Variants in PLEKHG5 observed in about 807,000 individuals in gnomAD.
The protein encoded by PLEKHG5 is pleckstrin homology domain-containing family G member 5.
PLEKHG5 carries 52 observed loss-of-function variants against 103.8 expected under a neutral mutation model. The ratio of observed to expected loss-of-function variants is 0.50; its 90% CI spans 0.40 to 0.63. The LOEUF (loss-of-function observed/expected upper bound fraction) is 0.63, where lower values mean the gene tolerates loss of function less well. PLEKHG5 is among the 30% of genes least tolerant of loss of function. PLEKHG5 has a pLI of 0.00. For missense variants in PLEKHG5, 1,205 were observed against 1,347.6 expected (o/e 0.89, Z 1.66); for synonymous variants, 592 against 575.5 (o/e 1.03, Z -0.41).
chr1:6,472,452 G>T, intron 10 of PLEKHG5, 75 bp downstream of exon 10: 1 of 1,063,162 alleles, frequency 9.4e-7, no homozygotes, highest in Non-Finnish European at 1.4e-6. Context: ...CTTCTGCAAA[G>T]GCTCAGACTC....
At chr1:6,495,351 C>T (rs1000480635), upstream of PLEKHG5, among the ~76,000 whole-genome samples, 1 of 152,196 alleles carries the variant, frequency 6.6e-6, no homozygotes, top group Admixed American at 6.5e-5. Flanking sequence ...TAGCAGTTCT[C>T]CCTGTTCCCT....
At chr1:6,502,421 A>T (rs887135145) in intron 1 of PLEKHG5, among the ~76,000 whole-genome samples, 10 of 152,170 alleles carry the variant, frequency 6.6e-5, no homozygotes, top group Non-Finnish European at 1.3e-4. Context: ...GGGACCGGAG[A>T]GCTGAACACA....
In PLEKHG5 at chr1:6,490,981, G is replaced by T. The variant is rs1000013961; in HGVS notation, c.-88+656C>A. Reference sequence around the variant, plus strand: ...GCAGAGAGACCCGCAGGCCTAGCCCGCCCCGGAATCGCCCTGAGCCAGGTT... The same window carrying T: ...GCAGAGAGACCCGCAGGCCTAGCCCTCCCCGGAATCGCCCTGAGCCAGGTT... On this transcript the variant is annotated intron_variant, in intron 1 of 20. Transcript: ENST00000377728. The surrounding 1 kb of genome is among the most constrained non-coding windows in gnomAD (Gnocchi z 8.0). 2.0e-5 allele frequency among the ~76,000 whole-genome samples: 3 copies of T among 152,134 alleles called. No homozygotes were observed. Among genetic ancestry groups the T allele is most frequent in the Non-Finnish European group, 4.4e-5 (3 of 68,010 alleles).
chr1:6,470,662 G>C lies in PLEKHG5; in HGVS notation c.1543-19C>G. 6 of 1,559,658 alleles carry C rather than the reference G, an allele frequency of 3.8e-6. No individual in the cohort carries two copies. Among genetic ancestry groups the C allele is most frequent in the Non-Finnish European group, 5.2e-6 (6 of 1,157,448 alleles). On this transcript the variant is annotated intron_variant, in intron 14 of 20. Transcript: ENST00000377728. ...AGCCGATCTAGGGGCAGGTGAGGGA[G>C]CTTCAGGTCCAGGGTCATGACGGAG...
Position 6,473,028 on chromosome 1 carries a change from C to G in PLEKHG5, c.942G>C (p.Leu314=). The G allele has an allele frequency of 4.3e-6, 7 of 1,614,122 alleles. No individual in the cohort carries two copies. The highest frequency in any genetic ancestry group is 5.9e-6 in the Non-Finnish European group (7 of 1,180,026). ...GCTCCCGCCAGCTGTCCTCCAGCCT[C>G]AGGCAGGCATTGTCCTCATCCTCGT... ...DEDEDEDNAC[L]RLEDSWRELI... Residue 314 remains leucine, a synonymous_variant, in exon 9 of 21, where the codon CTG becomes CTC. Coordinates refer to ENST00000377728, the MANE Select transcript of PLEKHG5 (RefSeq NM_020631.6).
rs1638279797 is a variant in PLEKHG5 at position 6,505,274 on chromosome 1, A to T, written c.-164-8705T>A. On this transcript the variant is annotated intron_variant, in intron 1 of 21. Transcript: ENST00000377740. This position sits in a 1 kb window ranked among gnomAD's most constrained non-coding sequence, Gnocchi z 4.2. ...CAGCCCACTGTGCCGACCAGCCTAC[A>T]GTACCGACCAGCCCACGATGCCGAC... 2.0e-5 allele frequency among the ~76,000 whole-genome samples: 3 copies of T among 151,902 alleles called. No homozygotes were observed. The highest frequency in any genetic ancestry group is 7.3e-5 in the African/African-American group (3 of 41,344).
chr1:6,496,971 TC>T, upstream of PLEKHG5: 1 of 1,528,936 alleles, frequency 6.5e-7, no homozygotes. Context: ...CCTGCATCGC[TC>T]CCTTTAGAGA....
Position 6,490,678 on chromosome 1 carries a change from G to A in PLEKHG5, c.-88+959C>T, listed in dbSNP as rs1047461202. 5.7e-6 allele frequency: 5 copies of A among 883,882 alleles called. No homozygotes were observed. Among genetic ancestry groups the A allele is most frequent in the Admixed American group, 6.2e-5 (1 of 16,148 alleles). The allele number at this position is 883,882 out of a possible 1,614,324, so 54.8% of individuals were successfully genotyped here. On this transcript the variant is annotated intron_variant, in intron 1 of 20. Coordinates refer to ENST00000377728, the MANE Select transcript of PLEKHG5 (RefSeq NM_020631.6). This position sits in a 1 kb window ranked among gnomAD's most constrained non-coding sequence, Gnocchi z 8.0. ...GGCGCCGCCCGGCTGGGACCGGGGAGAGGAGGGGTCCCAGGAAGGGCCCCG... is the reference window on the plus strand; with the variant it reads ...GGCGCCGCCCGGCTGGGACCGGGGAAAGGAGGGGTCCCAGGAAGGGCCCCG...
intron 10 of PLEKHG5, 96 bp from the exon 11 acceptor site, chr1:6,471,904 C>T: frequency 7.8e-7 from 1 of 1,290,248 alleles, no homozygotes; most frequent in Non-Finnish European, 1.1e-6. Flanking sequence ...CCTTCCCCTT[C>T]CCCGTTCCAG....
At position 6,470,806 on chromosome 1, in the gene PLEKHG5, A is replaced by G; in HGVS notation, c.1471T>C (p.Tyr491His). Residue 491 changes from tyrosine to histidine, a missense_variant, in exon 14 of 21, where the codon TAC becomes CAC. By Grantham distance (83) the Tyr-to-His change is moderately conservative. Transcript: ENST00000377728. ...LAKPHQRLTKYPLLLKSVLRK... is the reference protein window; with the variant it reads ...LAKPHQRLTKHPLLLKSVLRK... Reference sequence around the variant, plus strand: ...AGCACCGACTTGAGCAGCAGCGGGTACTTGGTGAGCCGCTGGTGGGGTTTG... The same window carrying G: ...AGCACCGACTTGAGCAGCAGCGGGTGCTTGGTGAGCCGCTGGTGGGGTTTG... The G allele has an allele frequency of 5.1e-6, 8 of 1,576,798 alleles. No homozygotes were observed. The highest frequency in any genetic ancestry group is 6.9e-6 in the Non-Finnish European group (8 of 1,161,744).
chr1:6,490,362 G>A lies in PLEKHG5; in HGVS notation c.-88+1275C>T. The A allele has an allele frequency of 1.3e-6, 1 of 774,076 alleles. No homozygotes were observed. The highest frequency in any genetic ancestry group is 1.6e-6 in the Non-Finnish European group (1 of 638,152). 48.0% of individuals were successfully genotyped at this position (774,076 alleles called of 1,614,324 possible). On this transcript the variant is annotated intron_variant, in intron 1 of 20. Transcript: ENST00000377728. The surrounding 1 kb of genome is among the most constrained non-coding windows in gnomAD (Gnocchi z 8.0). Reference sequence around the variant, plus strand: ...CACTACGTGGGAATCTCGAATCCGGGTTCTGTCCATCGGTTTAGGGGGGTC... The same window carrying A: ...CACTACGTGGGAATCTCGAATCCGGATTCTGTCCATCGGTTTAGGGGGGTC...
rs1645056109 is a variant in PLEKHG5, at chr1:6,487,091, C to A, written c.-88+4546G>T. Among the ~76,000 whole-genome samples, 1 of 152,194 alleles carries A rather than the reference C, an allele frequency of 6.6e-6. No homozygotes were observed. Among genetic ancestry groups the A allele is most frequent in the Admixed American group, 6.5e-5 (1 of 15,284 alleles). On this transcript the variant is annotated intron_variant, in intron 1 of 20. Transcript: ENST00000377728. This position sits in a 1 kb window ranked among gnomAD's most constrained non-coding sequence, Gnocchi z 4.1. Reference sequence around the variant, plus strand: ...AAGCCCAGGTCACCCACTGTCTACACCACAGGCAGAGTTGTGTTTTTGTTT... The same window carrying A: ...AAGCCCAGGTCACCCACTGTCTACAACACAGGCAGAGTTGTGTTTTTGTTT...
rs773870699 is a variant in PLEKHG5, at chr1:6,475,534, CGAG to C, written c.150-15_150-13del. 1.7e-5 allele frequency: 27 copies of C among 1,612,470 alleles called. No individual in the cohort carries two copies. The African/African-American group carries it at 3.1e-4, about 18-fold the overall frequency. On this transcript the variant is annotated splice_polypyrimidine_tract_variant and intron_variant, in intron 3 of 20. Coordinates refer to ENST00000377728, the MANE Select transcript of PLEKHG5 (RefSeq NM_020631.6). ...TGCTCTTCCGGTCCCTGCAGGGAAGCGAGGAGGGCAGAGGCTGGAGGTGTGGGT... is the reference window on the plus strand; with the variant it reads ...TGCTCTTCCGGTCCCTGCAGGGAAGCGAGGGCAGAGGCTGGAGGTGTGGGT...
chr1:6,470,767 C>T lies in PLEKHG5; in HGVS notation c.1510G>A (p.Glu504Lys), dbSNP rs552364487. 27 of 1,565,422 alleles carry T rather than the reference C, an allele frequency of 1.7e-5. No individual in the cohort carries two copies. The African/African-American group carries it at 2.8e-4, about 16-fold the overall frequency. ...ACGACGGCCTCCTTGGCGCGCGGCT[C>T]CTCGGTCTTCCTCAGCACCGACTTG... ...LLKSVLRKTE[E>K]PRAKEAVVAM... Residue 504 changes from glutamate to lysine, a missense_variant, in exon 14 of 21, where the codon GAG becomes AAG. By Grantham distance (56) the Glu-to-Lys change is moderately conservative. Transcript: ENST00000377728.
In PLEKHG5 at chr1:6,468,284, G is replaced by A; in HGVS notation, c.2552C>T (p.Ser851Phe). ...GCGGAGACGGGGCGAGGGTGGAGGG[G>A]AAGGAACTCGTGGGGACTCTGGGGC... ...PRAPESPRVP[S>F]PPPSPRLRRR... Residue 851 changes from serine to phenylalanine, a missense_variant, in exon 20 of 21, where the codon TCC becomes TTC. Physicochemically the swap from Ser to Phe is radical, Grantham distance 155 (BLOSUM62 -2). Coordinates refer to ENST00000377728, the MANE Select transcript of PLEKHG5 (RefSeq NM_020631.6). 1.9e-6 allele frequency: 3 copies of A among 1,608,870 alleles called. No homozygotes were observed. The highest frequency in any genetic ancestry group is 1.1e-5 in the South Asian group (1 of 90,700).
chr1:6,508,668 C>T (rs962009888), intron 1 of PLEKHG5, among the ~76,000 whole-genome samples: 3 of 152,238 alleles, frequency 2.0e-5, no homozygotes, highest in Non-Finnish European at 4.4e-5. Context: ...GGGGGTTGCT[C>T]TTGGTGCCTT....
rs143484278 is a variant in PLEKHG5 at position 6,474,072 on chromosome 1, C to T, written c.532G>A (p.Gly178Arg). The T allele has an allele frequency of 1.1e-3, 1,730 of 1,612,446 alleles. 4 individuals are homozygous for T. Among genetic ancestry groups the T allele is most frequent in the Non-Finnish European group, 9.4e-4 (1,103 of 1,179,582 alleles). The change falls in exon 7 of 21, where the codon GGG (glycine) becomes AGG (arginine). Residue 178 changes from glycine (G) to arginine (R), a missense_variant. Gly to Arg is a moderately radical substitution (Grantham distance 125, BLOSUM62 -2). Transcript: ENST00000377728. Reference sequence around the variant, plus strand: ...TCCACACGCTCCAGGGCGGGGGGCCCGGTCCCAGCTGGCCGCAGAATCGGC... The same window carrying T: ...TCCACACGCTCCAGGGCGGGGGGCCTGGTCCCAGCTGGCCGCAGAATCGGC... ...SLPILRPAGT[G>R]PPALERVDAQ...
chr1:6,469,142 C>T lies in PLEKHG5; in HGVS notation c.2149G>A (p.Glu717Lys), dbSNP rs184242303. Residue 717 changes from glutamate to lysine, a missense_variant, in exon 19 of 21, where the codon GAG (glutamate) becomes AAG (lysine). Coordinates refer to ENST00000377728, the MANE Select transcript of PLEKHG5 (RefSeq NM_020631.6). ...TCGCCTTCCTCCTCCTCCTCCTCCT[C>T]CTCCTCTTCCTCCTCCTGCTCATCC... ...EEDEQEEEEEEEEEEEEGEDS... is the reference protein window; with the variant it reads ...EEDEQEEEEEKEEEEEEGEDS... 39 of 1,612,514 alleles carry T rather than the reference C, an allele frequency of 2.4e-5. 1 individual carries two copies. The highest frequency in any genetic ancestry group is 2.9e-5 in the Non-Finnish European group (34 of 1,179,516).
At chr1:6,482,623 T>C (rs1644932198) in intron 1 of PLEKHG5, among the ~76,000 whole-genome samples, 1 of 152,248 alleles carries the variant, frequency 6.6e-6, no homozygotes, top group African/African-American at 2.4e-5. Flanking sequence ...AAATGACTTG[T>C]CTAAGGTCAC....
Sources: gnomAD v4.1 joint callset for allele counts (sites outside exome capture counted in the v4.1 genomes callset) on GRCh38, gnomAD v4.1.1 for gene constraint, Gnocchi (gnomAD v3.1) non-coding constraint, MANE v1.5 for transcripts, NCBI Gene and HGNC (gene_info 2026-07-23, HGNC 2026-07-21) for gene names.